Variants in NUP133 observed in about 807,000 individuals in gnomAD.
NUP133 encodes nucleoporin 133, also known as nuclear pore complex protein Nup133.
Under a neutral mutation model 146.2 loss-of-function variants are expected in NUP133, and 66 were observed. That is an observed-to-expected ratio of 0.45 (90% CI 0.37 to 0.55). NUP133 has a LOEUF of 0.55. Ranked by LOEUF, NUP133 falls within the 20% of genes least tolerant of loss-of-function variation. The pLI is 0.00. For missense variants in NUP133, 1,277 were observed against 1,374.8 expected (o/e 0.93, Z 1.12); for synonymous variants, 521 against 498.8 (o/e 1.04, Z -0.59).
At chr1:229,449,547 T>C (rs762739620) in intron 23 of NUP133, among the ~76,000 whole-genome samples, 18 of 151,700 alleles carry the variant, frequency 1.2e-4, no homozygotes, top group Non-Finnish European at 2.1e-4. Context: ...TTTTTTGTAT[T>C]TTTAGTAGAG....
At position 229,442,011 on chromosome 1, in the gene NUP133, C is replaced by A. The variant is rs1166532790; in HGVS notation, c.3364G>T (p.Val1122Leu). The change falls in exon 26 of 26, where the codon GTG (valine) becomes TTG (leucine). Residue 1122 changes from valine (V) to leucine (L), a missense_variant. Val to Leu is a conservative substitution (Grantham distance 32, BLOSUM62 1). Around this residue, in one of 3 missense-constraint regions of NUP133, gnomAD observed 952 missense variants for 1,047.0 expected, o/e 0.91. Transcript: ENST00000261396. ...GIQLSEYLPE[V>L]KDLLQADQLG... ...TGATCCGCTTGTAGCAGGTCTTTCA[C>A]CTCCGGTAAGTACTCACTGAGCTGA... 6.3e-7 allele frequency: 1 copy of A among 1,581,260 alleles called. No individual in the cohort carries two copies. The highest frequency in any genetic ancestry group is 2.3e-5 in the East Asian group (1 of 42,936).
intron 23 of NUP133, among the ~76,000 whole-genome samples, 168 bp from the exon 24 acceptor site, chr1:229,449,358 G>A (rs1660388941): frequency 6.6e-6 from 1 of 151,280 alleles, no homozygotes; most frequent in Non-Finnish European, 1.5e-5. Context: ...CTTGAGAGGG[G>A]TAAGAGTTTT....
At chr1:229,498,500 A>G (rs1273077366) in intron 5 of NUP133, among the ~76,000 whole-genome samples, 194 bp from the exon 6 acceptor site, 1 of 151,922 alleles carries the variant, frequency 6.6e-6, no homozygotes, top group Non-Finnish European at 1.5e-5. Flanking sequence ...ACATAGAAAA[A>G]CTCTCATAAG....
chr1:229,497,541 T>C (rs1661684017), intron 6 of NUP133, among the ~76,000 whole-genome samples: 1 of 152,238 alleles, frequency 6.6e-6, no homozygotes, highest in Non-Finnish European at 1.5e-5. Flanking sequence ...GGCCTGGGTA[T>C]GATTCCCAGC....
chr1:229,487,522 G>A lies in NUP133; in HGVS notation c.1286C>T (p.Ser429Phe). The A allele has an allele frequency of 6.2e-7, 1 of 1,613,810 alleles. No individual in the cohort carries two copies. The highest frequency in any genetic ancestry group is 1.1e-5 in the South Asian group (1 of 91,022). The part of the protein sequence containing the change: ...LYNESAVYVC[S>F]TGTGKFSLPQ... ...AAGAGAAAATTTCCCAGTTCCTGTG[G>A]AGCACACATAGACAGCACTTTCGTT... Residue 429 changes from serine (S) to phenylalanine (F), a missense_variant, in exon 10 of 26, where the codon TCC becomes TTC. Ser to Phe is a radical substitution (Grantham distance 155, BLOSUM62 -2). Transcript: ENST00000261396.
chr1:229,456,160 T>G (rs569511747), intron 21 of NUP133, among the ~76,000 whole-genome samples: 1 of 152,328 alleles, frequency 6.6e-6, no homozygotes, highest in South Asian at 2.1e-4. Flanking sequence ...GGTAGTACAT[T>G]GCTTCAGGAG....
Position 229,441,777 on chromosome 1 carries a change from T to C in NUP133, c.*127A>G, listed in dbSNP as rs917818225. On this transcript the variant is annotated 3_prime_UTR_variant, in exon 26 of 26. Transcript: ENST00000261396. ...AACTATTTTATATTAGCTTCCTACA[T>C]ATAAAGTATAAAAACTCAGCTATAC... The C allele has an allele frequency of 3.9e-6, 3 of 765,590 alleles. No homozygotes were observed. Among genetic ancestry groups the C allele is most frequent in the Admixed American group, 6.1e-5 (2 of 32,856 alleles). 47.4% of individuals were successfully genotyped at this position (765,590 alleles called of 1,614,324 possible).
chr1:229,467,651 T>C (rs1239351537), intron 15 of NUP133, among the ~76,000 whole-genome samples: 15 of 151,752 alleles, frequency 9.9e-5, no homozygotes. Flanking sequence ...GCCTATATAA[T>C]GGCCGGGTGC....
chr1:229,450,746 G>A, intron 22 of NUP133, 141 bp from the exon 23 acceptor site: 1 of 421,434 alleles, frequency 2.4e-6, no homozygotes, highest in Non-Finnish European at 4.3e-6. Context: ...TTTTTTTTGA[G>A]ACAAAGTCTT....
chr1:229,492,729 A>T (rs1045202428), intron 8 of NUP133, among the ~76,000 whole-genome samples: 2 of 152,066 alleles, frequency 1.3e-5, no homozygotes, highest in Non-Finnish European at 2.9e-5. Context: ...ACACAAAGAC[A>T]TAAGAATGAT....
At position 229,470,597 on chromosome 1, in the gene NUP133, C is replaced by T; in HGVS notation, c.2059G>A (p.Asp687Asn). ...YEIPSNLTPA[D>N]VFFREVSQVD... ...CATCTTACCTCCCTGAAAAAGACAT[C>T]TGCAGGAGTCAGGTTGGATGGGATT... is the stretch of plus-strand genomic sequence containing the variant. Residue 687 changes from aspartate (D) to asparagine (N), a missense_variant, in exon 15 of 26, where the codon GAT (aspartate) becomes AAT (asparagine). Physicochemically the swap from Asp to Asn is conservative, Grantham distance 23. Transcript: ENST00000261396. The T allele has an allele frequency of 1.2e-6, 2 of 1,614,080 alleles. No individual in the cohort carries two copies. The highest frequency in any genetic ancestry group is 1.7e-6 in the Non-Finnish European group (2 of 1,179,898).
chr1:229,477,920 T>A (rs1210676071), intron 12 of NUP133, among the ~76,000 whole-genome samples, 160 bp from the exon 13 acceptor site: 1 of 152,114 alleles, frequency 6.6e-6, no homozygotes, highest in Admixed American at 6.5e-5. Context: ...TTAAGTGAAA[T>A]AAGTCAGGCA....
chr1:229,463,507 A>G (rs1481148532), intron 19 of NUP133, 36 bp downstream of exon 19: 2 of 1,580,194 alleles, frequency 1.3e-6, no homozygotes, highest in East Asian at 2.3e-5. Flanking sequence ...AAAGGCAACT[A>G]AAGGACTCAG....
chr1:229,492,873 C>G (rs1661560585), intron 8 of NUP133, among the ~76,000 whole-genome samples: 1 of 151,622 alleles, frequency 6.6e-6, no homozygotes. Flanking sequence ...AGAACTTACC[C>G]ATGTAACCAA....
chr1:229,448,829 C>T (rs1660372565), intron 24 of NUP133: 1 of 390,762 alleles, frequency 2.6e-6, no homozygotes, highest in Non-Finnish European at 4.6e-6. Context: ...GTGGGAACCC[C>T]AATTTATAGC....
chr1:229,484,938 C>T (rs34804247), intron 11 of NUP133, among the ~76,000 whole-genome samples: 28,453 of 151,980 alleles, frequency 0.19, 2,875 homozygotes, highest in Middle Eastern at 0.25. Context: ...TGTTTCTTTC[C>T]TTTAAAACTA....
rs750877924 is a variant in NUP133, at chr1:229,487,555, T to C, written c.1253A>G (p.Tyr418Cys). ...TVPNFSNQTA[Y>C]LYNESAVYVC... The stretch of plus-strand genomic sequence containing the variant: ...ATAGACAGCACTTTCGTTATACAGA[T>C]AGGCAGTCTGGTTTGAAAAGTTTGG... The change falls in exon 10 of 26, where the codon TAT (tyrosine) becomes TGT (cysteine). Residue 418 changes from tyrosine (Y) to cysteine (C), a missense_variant. Transcript: ENST00000261396. The C allele has an allele frequency of 1.2e-5, 20 of 1,613,310 alleles. No individual in the cohort carries two copies. Among genetic ancestry groups the C allele is most frequent in the South Asian group, 4.4e-5 (4 of 90,972 alleles).
At chr1:229,448,383 G>A (rs904628955) in intron 24 of NUP133, among the ~76,000 whole-genome samples, 3 of 152,004 alleles carry the variant, frequency 2.0e-5, no homozygotes, top group Non-Finnish European at 4.4e-5. Context: ...AGTCAAGATC[G>A]CACCACTGCA....
At chr1:229,504,446 A>G (rs1254271814) in intron 2 of NUP133, among the ~76,000 whole-genome samples, 1 of 152,148 alleles carries the variant, frequency 6.6e-6, no homozygotes, top group Non-Finnish European at 1.5e-5. Context: ...GTGTCATCCA[A>G]CTGCTCATCT....
Sources: gnomAD v4.1 joint callset for allele counts (sites outside exome capture counted in the v4.1 genomes callset) on GRCh38, gnomAD v4.1.1 for gene constraint, gnomAD v4.1.1 regional missense constraint, MANE v1.5 for transcripts, NCBI Gene and HGNC (gene_info 2026-07-23, HGNC 2026-07-21) for gene names.